Variants in FRMD4A observed in about 807,000 individuals in gnomAD.
FRMD4A encodes FERM domain-containing protein 4A.
Under a neutral mutation model 129.1 loss-of-function variants are expected in FRMD4A, and 29 were observed. The observed-to-expected ratio is 0.22, with a 90% CI of 0.17 to 0.31. The LOEUF (loss-of-function observed/expected upper bound fraction) is 0.31. Among genes scored for constraint, FRMD4A ranks in the 10% least tolerant of loss-of-function variants. The pLI, the probability that FRMD4A is intolerant of heterozygous loss-of-function variation, is 1.00. For synonymous variants in FRMD4A, 634 were observed against 571.6 expected, an observed-to-expected ratio of 1.11 and a Z score of -1.56; for missense variants, 1,272 against 1,375.8, an observed-to-expected ratio of 0.92 and a Z score of 1.19.
At chr10:13,978,846 C>G (rs1008491612) in intron 2 of FRMD4A, among the ~76,000 whole-genome samples, 1 of 152,186 alleles carries the variant, frequency 6.6e-6, no homozygotes, top group African/African-American at 2.4e-5. Flanking sequence ...GAGGCAGGAG[C>G]TGCCCTCTGA....
intron 2 of FRMD4A, among the ~76,000 whole-genome samples, chr10:14,200,385 C>T (rs943447331): frequency 1.4e-5 from 2 of 139,136 alleles, no homozygotes; most frequent in South Asian, 2.2e-4. Context: ...CCTCCGCCTC[C>T]TAGGTTCAAG....
At chr10:13,703,779 G>A (rs756213975) in intron 13 of FRMD4A, among the ~76,000 whole-genome samples, 30 of 152,320 alleles carry the variant, frequency 2.0e-4, no homozygotes, top group Non-Finnish European at 2.6e-4. Flanking sequence ...CACTGAGGCG[G>A]GTGGATCACG....
chr10:13,676,520 C>G (rs1356967663), intron 15 of FRMD4A, among the ~76,000 whole-genome samples: 1 of 151,804 alleles, frequency 6.6e-6, no homozygotes. Context: ...GGTGATCCAC[C>G]CGCCTCAGCC....
At chr10:13,784,854 G>C (rs2092816286) in intron 5 of FRMD4A, among the ~76,000 whole-genome samples, 2 of 152,092 alleles carry the variant, frequency 1.3e-5, no homozygotes, top group Non-Finnish European at 2.9e-5. Context: ...AGCCAGGGGT[G>C]GGTGTGGGTG....
chr10:14,183,581 C>G (rs1372686716), intron 2 of FRMD4A, among the ~76,000 whole-genome samples: 1 of 151,774 alleles, frequency 6.6e-6, no homozygotes, highest in Non-Finnish European at 1.5e-5. Flanking sequence ...CAGCTTCAAC[C>G]TGAGGCACAA....
At chr10:13,801,716 T>C (rs1300310364) in intron 4 of FRMD4A, among the ~76,000 whole-genome samples, 1 of 152,206 alleles carries the variant, frequency 6.6e-6, no homozygotes, top group East Asian at 1.9e-4. Context: ...TGTTACAATG[T>C]TGTTTTCTGC....
At chr10:13,812,103 G>A (rs2093459046) in intron 3 of FRMD4A, among the ~76,000 whole-genome samples, 1 of 152,080 alleles carries the variant, frequency 6.6e-6, no homozygotes, top group South Asian at 2.1e-4. Context: ...GGATGGTCTC[G>A]ATCTCTTGAC....
chr10:14,310,382 C>T (rs552359591), intron 2 of FRMD4A, among the ~76,000 whole-genome samples: 5 of 152,266 alleles, frequency 3.3e-5, no homozygotes, highest in Admixed American at 2.0e-4. Flanking sequence ...AAAGAGTCCT[C>T]GGCAGAATTT....
intron 2 of FRMD4A, among the ~76,000 whole-genome samples, chr10:13,971,231 T>C (rs895273205): frequency 6.6e-6 from 1 of 152,208 alleles, no homozygotes; most frequent in African/African-American, 2.4e-5. Context: ...TGATAAATCA[T>C]CCATTGTGAG....
At chr10:13,689,547 T>C (rs1033852751) in intron 15 of FRMD4A, among the ~76,000 whole-genome samples, 4 of 128,538 alleles carry the variant, frequency 3.1e-5, no homozygotes, top group Admixed American at 7.6e-5. Flanking sequence ...GATTAGAAGA[T>C]TCTTTTTTTT....
intron 2 of FRMD4A, among the ~76,000 whole-genome samples, chr10:14,131,978 T>C (rs777460171): frequency 2.0e-4 from 31 of 152,192 alleles, no homozygotes; most frequent in Non-Finnish European, 4.1e-4. Flanking sequence ...TCTAATTTCT[T>C]ATCCCTGACC....
In FRMD4A at chr10:14,300,662, T is replaced by C. The variant is rs557289100; in HGVS notation, c.45+29396A>G. Among the ~76,000 whole-genome samples, 9 of 152,290 alleles carry C rather than the reference T, an allele frequency of 5.9e-5. No individual in the cohort carries two copies. The South Asian group carries it at 1.2e-3, about 21-fold the overall frequency. ...AAAGTAATATTTAACAGGTCATTGA[T>C]GTAAAATGGTGAAAGTAAATAATGC... On this transcript the variant is annotated intron_variant, in intron 2 of 24. Transcript: ENST00000357447.
intron 2 of FRMD4A, among the ~76,000 whole-genome samples, chr10:14,055,058 C>A (rs528256481): frequency 3.0e-4 from 46 of 152,268 alleles, no homozygotes; most frequent in African/African-American, 1.1e-3. Context: ...ACCTGTATCT[C>A]AAAGCCACTT....
At chr10:13,817,492 C>G (rs2093563223) in intron 3 of FRMD4A, among the ~76,000 whole-genome samples, 1 of 152,182 alleles carries the variant, frequency 6.6e-6, no homozygotes, top group Admixed American at 6.5e-5. Context: ...TGGCTGTGTC[C>G]CCATCCAAAT....
intron 2 of FRMD4A, among the ~76,000 whole-genome samples, chr10:13,882,659 T>G (rs1423981178): frequency 8.5e-5 from 13 of 152,194 alleles, no homozygotes; most frequent in Non-Finnish European, 1.8e-4. Flanking sequence ...ACAGATGCCA[T>G]GTGCCCTCTT....
intron 2 of FRMD4A, among the ~76,000 whole-genome samples, chr10:14,198,701 T>C (rs942671162): frequency 3.3e-5 from 5 of 152,228 alleles, no homozygotes; most frequent in African/African-American, 1.2e-4. Context: ...TCACATGTAC[T>C]GATTACCTTG....
chr10:14,196,840 G>A (rs541097368), intron 2 of FRMD4A, among the ~76,000 whole-genome samples: 31 of 152,244 alleles, frequency 2.0e-4, no homozygotes, highest in African/African-American at 7.2e-4. Flanking sequence ...ATGTCCAGTC[G>A]TAGTTCTCTA....
chr10:14,301,256 G>A (rs753644668), intron 2 of FRMD4A, among the ~76,000 whole-genome samples: 26 of 152,100 alleles, frequency 1.7e-4, no homozygotes, highest in Admixed American at 2.6e-4. Flanking sequence ...AATCTGTATC[G>A]TTCCCCTGGA....
At chr10:13,869,546 A>T (rs1314802610) in intron 2 of FRMD4A, among the ~76,000 whole-genome samples, 1 of 152,262 alleles carries the variant, frequency 6.6e-6, no homozygotes, top group Non-Finnish European at 1.5e-5. Context: ...GGACGCTGAA[A>T]GACGCAATGG....
Sources: gnomAD v4.1 joint callset for allele counts (sites outside exome capture counted in the v4.1 genomes callset) on GRCh38, gnomAD v4.1.1 for gene constraint, MANE v1.5 for transcripts, NCBI Gene and HGNC (gene_info 2026-07-23, HGNC 2026-07-21) for gene names.